Variants in MYEF2 observed in about 807,000 individuals in gnomAD.
MYEF2 encodes the protein myelin gene expression factor 2.
Under a neutral mutation model 75.2 loss-of-function variants are expected in MYEF2, and 37 were observed. The observed-to-expected ratio is 0.49, with a 90% CI of 0.38 to 0.65. MYEF2 has a LOEUF of 0.65. Ranked by LOEUF, MYEF2 falls within the 30% of genes least tolerant of loss-of-function variation. The pLI, the probability that MYEF2 is intolerant of heterozygous loss-of-function variation, is 0.00. For synonymous variants in MYEF2, 195 were observed against 241.6 expected (o/e 0.81, Z 1.79); for missense variants, 634 against 771.4 (o/e 0.82, Z 2.11).
chr15:48,166,209 C>T, intron 3 of MYEF2, 81 bp from the exon 4 acceptor site: 1 of 1,120,480 alleles, frequency 8.9e-7, no homozygotes, highest in Non-Finnish European at 1.3e-6. Flanking sequence ...TCAGTTCTAA[C>T]ATTTCAATCA....
chr15:48,139,080 AG>A lies in MYEF2; in HGVS notation c.*3827del, dbSNP rs1429179640. On this transcript the variant is annotated 3_prime_UTR_variant, in exon 17 of 17. Transcript: ENST00000324324. ...CTAACCACACCAGATTGTAGAAAAA[AG>A]TTTTGGAAAAACTACTTTGTGATAA... 6.2e-7 allele frequency: 1 copy of A among 1,613,028 alleles called. No individual in the cohort carries two copies. The highest frequency in any genetic ancestry group is 1.3e-5 in the African/African-American group (1 of 74,908).
chr15:48,157,800 GAAA>G, intron 9 of MYEF2, 190 bp downstream of exon 9: 2 of 1,222,144 alleles, frequency 1.6e-6, no homozygotes, highest in South Asian at 2.5e-5. Context: ...TTACCAAAGA[GAAA>G]AAAAAAATGG....
In MYEF2 at chr15:48,136,493, C is replaced by A; in HGVS notation, c.*6415G>T. On this transcript the variant is annotated 3_prime_UTR_variant, in exon 17 of 17. Coordinates refer to ENST00000324324, the MANE Select transcript of MYEF2 (RefSeq NM_016132.5). Reference sequence around the variant, plus strand: ...AAAAAAACAACACAGAAGTGTCCAGCTTTTATCAATAAACATAATAATGCT... The same window carrying A: ...AAAAAAACAACACAGAAGTGTCCAGATTTTATCAATAAACATAATAATGCT... The A allele has an allele frequency of 2.1e-6, 1 of 465,792 alleles. No homozygotes were observed. Among genetic ancestry groups the A allele is most frequent in the Middle Eastern group, 5.6e-4 (1 of 1,782 alleles). The allele number at this position is 465,792 out of a possible 1,614,324, so 28.9% of individuals were successfully genotyped here.
At chr15:48,170,371 C>A (rs905784734) in intron 1 of MYEF2, among the ~76,000 whole-genome samples, 3 of 152,020 alleles carry the variant, frequency 2.0e-5, no homozygotes, top group African/African-American at 7.3e-5. Flanking sequence ...GGTGATCCAC[C>A]CGCCTCGGCC....
chr15:48,163,580 A>G (rs766315074), intron 5 of MYEF2, among the ~76,000 whole-genome samples: 1 of 152,246 alleles, frequency 6.6e-6, no homozygotes, highest in Admixed American at 6.5e-5. Flanking sequence ...ATAGATTTTC[A>G]GTGTAATGAA....
In MYEF2 at chr15:48,141,161, C is replaced by G; in HGVS notation, c.*1747G>C. 1 of 1,613,854 alleles carries G rather than the reference C, an allele frequency of 6.2e-7. No individual in the cohort carries two copies. The highest frequency in any genetic ancestry group is 8.5e-7 in the Non-Finnish European group (1 of 1,179,828). ...ACAGTAATGGGCCTTACTTTATTAG[C>G]AGCAGGAACAAGCATACCAGACACA... On this transcript the variant is annotated 3_prime_UTR_variant, in exon 17 of 17. Transcript: ENST00000324324.
In MYEF2 at chr15:48,151,888, A is replaced by C. The variant is rs147529654; in HGVS notation, c.1193T>G (p.Val398Gly). 6.8e-6 allele frequency: 11 copies of C among 1,613,210 alleles called. No homozygotes were observed. The highest frequency in any genetic ancestry group is 9.3e-6 in the Non-Finnish European group (11 of 1,179,492). Residue 398 changes from valine (V) to glycine (G), a missense_variant, in exon 12 of 17, where the codon GTT becomes GGT. Coordinates refer to ENST00000324324, the MANE Select transcript of MYEF2 (RefSeq NM_016132.5). ...AMNSMGGFGG[V>G]GRMGELYRGA... ...CATTTACCTACCTCCCATTCGGCCA[A>C]CTCCTCCAAATCCTCCCATGCTATT...
chr15:48,152,080 T>A (rs914741590), intron 11 of MYEF2, 138 bp from the exon 12 acceptor site: 11 of 1,137,270 alleles, frequency 9.7e-6, no homozygotes, highest in Non-Finnish European at 1.5e-5. Flanking sequence ...ATCACCTTCC[T>A]TTAAGTATGT....
chr15:48,145,701 A>C (rs1269886957), intron 16 of MYEF2, among the ~76,000 whole-genome samples: 1 of 151,898 alleles, frequency 6.6e-6, no homozygotes, highest in Admixed American at 6.6e-5. Context: ...TGTTCAATAA[A>C]ATCTACTGCC....
chr15:48,154,358 C>T (rs1031278340), intron 9 of MYEF2, among the ~76,000 whole-genome samples: 1 of 151,922 alleles, frequency 6.6e-6, no homozygotes, highest in Non-Finnish European at 1.5e-5. Flanking sequence ...ATTATATTAC[C>T]TAGTTTTCTC....
rs2039031989 is a variant in MYEF2 at position 48,140,493 on chromosome 15, AT to A, written c.*2414del. 1 of 152,184 alleles carries A rather than the reference AT, an allele frequency of 6.6e-6. No homozygotes were observed. The highest frequency in any genetic ancestry group is 2.4e-5 in the African/African-American group (1 of 41,450). The allele number at this position is 152,184 out of a possible 1,614,324, so 9.4% of individuals were successfully genotyped here. The stretch of plus-strand genomic sequence containing the variant: ...TGGTTCTGTTTCTGAGAATAAATAC[AT>A]TTCTGAAAAATGTTGACCTGACATC... On this transcript the variant is annotated 3_prime_UTR_variant, in exon 17 of 17. Transcript: ENST00000324324.
chr15:48,163,568 C>A (rs373555986), intron 5 of MYEF2, among the ~76,000 whole-genome samples: 1 of 152,138 alleles, frequency 6.6e-6, no homozygotes, highest in African/African-American at 2.4e-5. Flanking sequence ...CTACACTAAA[C>A]AATAGATTTT....
intron 9 of MYEF2, 35 bp from the exon 10 acceptor site, chr15:48,153,928 C>G (rs756895221): frequency 1.9e-5 from 29 of 1,564,314 alleles, no homozygotes; most frequent in Non-Finnish European, 2.3e-5. Context: ...TTACAAAGAT[C>G]CATATATGAT....
rs138524718 is a variant in MYEF2 at position 48,168,735 on chromosome 15, G to A, written c.266C>T (p.Ser89Leu). 96 of 1,613,256 alleles carry A rather than the reference G, an allele frequency of 6.0e-5. No homozygotes were observed. The Middle Eastern group carries it at 6.6e-4, about 11-fold the overall frequency. Residue 89 changes from serine (S) to leucine (L), a missense_variant, in exon 2 of 17, where the codon TCG becomes TTG. Ser to Leu is a moderately radical substitution (Grantham distance 145, BLOSUM62 -2). Coordinates refer to ENST00000324324, the MANE Select transcript of MYEF2 (RefSeq NM_016132.5). ...RFHPYSKDKN[S>L]GAGEKKGPNR... ...TGGACCCTTCTTTTCTCCAGCGCCCGAATTCTTGTCTTTTGAATAAGGATG... is the reference window on the plus strand; with the variant it reads ...TGGACCCTTCTTTTCTCCAGCGCCCAAATTCTTGTCTTTTGAATAAGGATG...
chr15:48,164,701 T>A (rs1434259407), intron 5 of MYEF2, among the ~76,000 whole-genome samples: 1 of 152,166 alleles, frequency 6.6e-6, no homozygotes, highest in Non-Finnish European at 1.5e-5. Flanking sequence ...CAAACTTTAG[T>A]AACCATCACC....
chr15:48,146,178 A>T, intron 16 of MYEF2, among the ~76,000 whole-genome samples: 1 of 151,992 alleles, frequency 6.6e-6, no homozygotes, highest in East Asian at 1.9e-4. Context: ...ACATGGGAGC[A>T]CATTTAAAAG....
intron 3 of MYEF2, 83 bp downstream of exon 3, chr15:48,167,250 TGAAACTTAAGTTTCCA>T: frequency 8.3e-7 from 1 of 1,207,324 alleles, no homozygotes; most frequent in East Asian, 2.4e-5. Flanking sequence ...TAAAACAAAA[TGAAACTTAAGTTTCCA>T]AAAACTGGTA....
At chr15:48,176,078 T>C (rs1356219195) in intron 1 of MYEF2, among the ~76,000 whole-genome samples, 1 of 152,154 alleles carries the variant, frequency 6.6e-6, no homozygotes, top group Admixed American at 6.5e-5. Flanking sequence ...CTCTGTTCAA[T>C]TCCAACCAAT....
rs2039581013 is a variant in MYEF2, at chr15:48,153,697, A to C, written c.1087+95T>G. On this transcript the variant is annotated intron_variant, in intron 10 of 16. Transcript: ENST00000324324. ...CCGTAAATATCTAACTATTAATTAGAGTCCTTTAAACATTATTACAGACCA... is the reference window on the plus strand; with the variant it reads ...CCGTAAATATCTAACTATTAATTAGCGTCCTTTAAACATTATTACAGACCA... The C allele has an allele frequency of 1.3e-5, 12 of 936,296 alleles. No individual in the cohort carries two copies. The Admixed American group carries it at 2.5e-4, about 19-fold the overall frequency. The allele number at this position is 936,296 out of a possible 1,614,324, so 58.0% of individuals were successfully genotyped here.
Sources: gnomAD v4.1 joint callset for allele counts (sites outside exome capture counted in the v4.1 genomes callset) on GRCh38, gnomAD v4.1.1 for gene constraint, MANE v1.5 for transcripts, NCBI Gene and HGNC (gene_info 2026-07-23, HGNC 2026-07-21) for gene names.